NUSAP1: variants seen among roughly 807,000 people sequenced by gnomAD.
NUSAP1 encodes the protein nucleolar and spindle-associated protein 1.
Under a neutral mutation model 52.8 loss-of-function variants are expected in NUSAP1, and 32 were observed. The observed-to-expected ratio is 0.61, with a 90% CI of 0.46 to 0.81. NUSAP1 has a LOEUF of 0.81. NUSAP1 is among the 40% of genes least tolerant of loss of function. NUSAP1 has a pLI of 0.00. For missense variants in NUSAP1, 499 were observed against 522.3 expected, an observed-to-expected ratio of 0.96 and a Z score of 0.43; for synonymous variants, 195 against 183.1, an observed-to-expected ratio of 1.06 and a Z score of -0.52.
intron 1 of NUSAP1, among the ~76,000 whole-genome samples, chr15:41,341,238 G>GT (rs1339025317): frequency 6.6e-6 from 1 of 151,880 alleles, no homozygotes; most frequent in Non-Finnish European, 1.5e-5. Flanking sequence ...GCTAATTTTT[G>GT]TTTTTTTATT....
At chr15:41,350,956 C>T (rs757467371) in intron 3 of NUSAP1, 32 bp from the exon 4 acceptor site, 31 of 1,563,670 alleles carry the variant, frequency 2.0e-5, no homozygotes, top group African/African-American at 2.7e-5. Context: ...TATTTATCAT[C>T]GAAATCTTTT....
chr15:41,353,494 T>G (rs528963351), intron 4 of NUSAP1, among the ~76,000 whole-genome samples: 4 of 152,204 alleles, frequency 2.6e-5, no homozygotes, highest in Non-Finnish European at 5.9e-5. Context: ...AGCCAAAGTC[T>G]AAGCAGAAGC....
At chr15:41,364,500 C>T (rs1230420778) in intron 6 of NUSAP1, among the ~76,000 whole-genome samples, 3 of 151,528 alleles carry the variant, frequency 2.0e-5, no homozygotes, top group Non-Finnish European at 4.4e-5. Context: ...GAGCTGAGAC[C>T]ATGCCATTGC....
At chr15:41,347,658 C>T (rs954896834) in intron 2 of NUSAP1, among the ~76,000 whole-genome samples, 2 of 151,814 alleles carry the variant, frequency 1.3e-5, no homozygotes, top group African/African-American at 4.8e-5. Context: ...ACTAACAACA[C>T]AAAAGATTAG....
intron 8 of NUSAP1, among the ~76,000 whole-genome samples, chr15:41,374,834 T>C (rs975646624): frequency 1.1e-4 from 16 of 151,710 alleles, no homozygotes; most frequent in Admixed American, 5.3e-4. Context: ...TTCTTTTTTT[T>C]CTTTGTTTGT....
chr15:41,333,685 T>TC (rs2048007892), intron 1 of NUSAP1, among the ~76,000 whole-genome samples: 1 of 151,876 alleles, frequency 6.6e-6, no homozygotes, highest in Admixed American at 6.6e-5. Context: ...CTTTGGGAGG[T>TC]CGAGGCAGGC....
chr15:41,343,665 A>G (rs1162059010), intron 2 of NUSAP1, among the ~76,000 whole-genome samples: 2 of 150,358 alleles, frequency 1.3e-5, no homozygotes, highest in African/African-American at 4.9e-5. Flanking sequence ...ATTTTCTTGT[A>G]TTTTTAGTAG....
intron 1 of NUSAP1, among the ~76,000 whole-genome samples, chr15:41,338,739 T>C (rs1431608772): frequency 1.3e-5 from 2 of 151,994 alleles, no homozygotes; most frequent in Non-Finnish European, 2.9e-5. Context: ...GTGGATCACT[T>C]GAGGCCAGGA....
rs1595582696 is a variant in NUSAP1 at position 41,365,396 on chromosome 15, C to A, written c.661-6C>A. On this transcript the variant is annotated splice_region_variant and splice_polypyrimidine_tract_variant and intron_variant, in intron 6 of 10. Transcript: ENST00000559596. ...AAGCTTTTAAAATGATGCATTTTCT[C>A]TTCAGCAGCAGCCCATCAATAAGGG... The A allele has an allele frequency of 6.3e-7, 1 of 1,597,500 alleles. No individual in the cohort carries two copies. The highest frequency in any genetic ancestry group is 1.1e-5 in the South Asian group (1 of 89,490).
chr15:41,334,300 G>C (rs1479521773), intron 1 of NUSAP1, among the ~76,000 whole-genome samples: 2 of 152,060 alleles, frequency 1.3e-5, no homozygotes, highest in East Asian at 1.9e-4. Context: ...TGTATTTTTA[G>C]TAGAGATGGG....
chr15:41,339,278 A>G (rs2048286318), intron 1 of NUSAP1, among the ~76,000 whole-genome samples: 1 of 152,156 alleles, frequency 6.6e-6, no homozygotes, highest in Non-Finnish European at 1.5e-5. Flanking sequence ...AAGAATCATG[A>G]TGTCTGGAAC....
rs1210977047 is a variant in NUSAP1, at chr15:41,370,174, GATCGAGACCATCCTGGCTAACACAGTGA to G, written c.849-1351_849-1324del. On this transcript the variant is annotated intron_variant, in intron 7 of 10. Transcript: ENST00000559596. ...AGACGGGCGGATCATGAGGTCAGGA[GATCGAGACCATCCTGGCTAACACAGTGA>G]AACCCCGTCTCTACTAAAAATACAA... Among the ~76,000 whole-genome samples, 8 of 151,754 alleles carry G rather than the reference GATCGAGACCATCCTGGCTAACACAGTGA, an allele frequency of 5.3e-5. No homozygotes were observed. The East Asian group carries it at 1.6e-3, about 30-fold the overall frequency.
intron 2 of NUSAP1, among the ~76,000 whole-genome samples, chr15:41,348,334 C>T (rs1029354836): frequency 3.9e-5 from 6 of 152,080 alleles, no homozygotes; most frequent in African/African-American, 1.2e-4. Context: ...CAGCCTTGGC[C>T]TCCCAAAATG....
At chr15:41,357,097 G>A (rs35882899) in intron 5 of NUSAP1, among the ~76,000 whole-genome samples, 147 of 152,150 alleles carry the variant, frequency 9.7e-4, no homozygotes, top group African/African-American at 3.5e-3. Flanking sequence ...GGCCGGGTGC[G>A]GTTCTCACAC....
intron 10 of NUSAP1, among the ~76,000 whole-genome samples, chr15:41,378,955 T>TTTTTTC (rs1403578824): frequency 2.8e-5 from 3 of 108,542 alleles, no homozygotes; most frequent in African/African-American, 1.1e-4. Context: ...TTTTTTTTTT[T>TTTTTTC]TTTTTTTTTT....
At chr15:41,355,959 T>C (rs2048953749) in intron 4 of NUSAP1, 80 bp from the exon 5 acceptor site, 1 of 812,416 alleles carries the variant, frequency 1.2e-6, no homozygotes, top group South Asian at 1.5e-5. Context: ...ATTACAGGCG[T>C]GAGCTACCGT....
At chr15:41,373,457 T>A (rs2049792252) in intron 8 of NUSAP1, among the ~76,000 whole-genome samples, 2 of 149,434 alleles carry the variant, frequency 1.3e-5, no homozygotes, top group African/African-American at 4.9e-5. Context: ...TCTTTTTTTT[T>A]TTTTTTTTTT....
At chr15:41,377,896 G>A (rs1427773463) in intron 10 of NUSAP1, among the ~76,000 whole-genome samples, 4 of 150,980 alleles carry the variant, frequency 2.6e-5, no homozygotes, top group African/African-American at 9.8e-5. Flanking sequence ...AGCTACTCGG[G>A]AGACTGAGGC....
chr15:41,332,893 A>G lies in NUSAP1; in HGVS notation c.-65A>G. 6 of 1,307,118 alleles carry G rather than the reference A, an allele frequency of 4.6e-6. No homozygotes were observed. The highest frequency in any genetic ancestry group is 6.5e-6 in the Non-Finnish European group (6 of 921,412). The allele number at this position is 1,307,118 out of a possible 1,614,324, so 81.0% of individuals were successfully genotyped here. On this transcript the variant is annotated 5_prime_UTR_variant, in exon 1 of 11. Transcript: ENST00000559596. ...GTCAAAGTTAAGAGTGGCGCCAGGG[A>G]TTTGAACCGCGCTGACGAAGTTTGG... is the stretch of plus-strand genomic sequence containing the variant.
Sources: allele counts gnomAD v4.1 joint callset (sites outside exome capture counted in the v4.1 genomes callset), GRCh38; gene constraint gnomAD v4.1.1; transcripts MANE v1.5; gene names NCBI Gene and HGNC (gene_info 2026-07-23, HGNC 2026-07-21).